The following SPAG17 variants were observed in gnomAD, a reference collection of about 807,000 sequenced individuals.
SPAG17 encodes sperm associated antigen 17, also known as sperm-associated antigen 17.
SPAG17 carries 169 observed loss-of-function variants against 273.6 expected under a neutral mutation model. The ratio of observed to expected loss-of-function variants is 0.62; its 90% CI spans 0.55 to 0.70. SPAG17 has a LOEUF of 0.70. Among genes scored for constraint, SPAG17 ranks in the 30% least tolerant of loss-of-function variants. The probability of loss-of-function intolerance (pLI) is 0.00; values close to 1 mark genes in which losing one functional copy is unlikely to be tolerated. For missense variants in SPAG17, 2,557 were observed against 2,627.8 expected (o/e 0.97, Z 0.59); for synonymous variants, 825 against 873.2 (o/e 0.94, Z 0.97).
Position 118,031,731 on chromosome 1 carries a change from G to T in SPAG17, c.3570C>A (p.Ser1190=). 1 of 1,613,678 alleles carries T rather than the reference G, an allele frequency of 6.2e-7. No individual in the cohort carries two copies. Among genetic ancestry groups the T allele is most frequent in the Non-Finnish European group, 8.5e-7 (1 of 1,179,814 alleles). The change falls in exon 25 of 49, where the codon TCC becomes TCA. Residue 1190 remains serine (S), a synonymous_variant. Transcript: ENST00000336338. ...KIKGKEKPKE[S]LKEEEHPKEE... ...CTTTTGGGTGTTCTTCTTCTTTAAGGGATTCTTTGGGTTTTTCTTTGCCTT... is the reference window on the plus strand; with the variant it reads ...CTTTTGGGTGTTCTTCTTCTTTAAGTGATTCTTTGGGTTTTTCTTTGCCTT...
Position 118,004,741 on chromosome 1 carries a change from G to C in SPAG17, c.4776+673C>G, listed in dbSNP as rs546653376. On this transcript the variant is annotated intron_variant, in intron 32 of 48. Coordinates refer to ENST00000336338, the MANE Select transcript of SPAG17 (RefSeq NM_206996.4). The stretch of plus-strand genomic sequence containing the variant: ...GTCATGGTTTCCCTTGGCTAGGAAA[G>C]GGAAATCCCCTGACACCTTGCACTT... Among the ~76,000 whole-genome samples the C allele has an allele frequency of 3.3e-5, 5 of 152,332 alleles. No homozygotes were observed. The East Asian group carries it at 7.7e-4, about 24-fold the overall frequency.
chr1:118,098,418 A>C (rs988244420), intron 6 of SPAG17, among the ~76,000 whole-genome samples: 1 of 152,116 alleles, frequency 6.6e-6, no homozygotes, highest in Non-Finnish European at 1.5e-5. Flanking sequence ...TGCCCGAAAT[A>C]TTTATGCTTA....
intron 38 of SPAG17, among the ~76,000 whole-genome samples, chr1:117,990,018 C>G (rs1458094196): frequency 6.6e-6 from 1 of 152,102 alleles, no homozygotes; most frequent in Admixed American, 6.6e-5. Flanking sequence ...TCTGGCCACC[C>G]TACTACAGGA....
intron 48 of SPAG17, 50 bp downstream of exon 48, chr1:117,963,749 C>G (rs375910506): frequency 5.6e-5 from 87 of 1,556,140 alleles, no homozygotes; most frequent in Non-Finnish European, 7.4e-5. Flanking sequence ...GGTCTAATAC[C>G]TCAAATTTGA....
At chr1:118,075,852 C>G (rs1481920305) in intron 15 of SPAG17, among the ~76,000 whole-genome samples, 1 of 152,100 alleles carries the variant, frequency 6.6e-6, no homozygotes, top group African/African-American at 2.4e-5. Context: ...TTTTTCAGAC[C>G]CTGACTTCAT....
intron 3 of SPAG17, among the ~76,000 whole-genome samples, chr1:118,135,688 T>C (rs1410827024): frequency 6.6e-6 from 1 of 152,304 alleles, no homozygotes; most frequent in East Asian, 1.9e-4. Context: ...GGGAATGCTA[T>C]GAGTAAACTT....
At chr1:117,966,912 G>T (rs757283915) in intron 46 of SPAG17, among the ~76,000 whole-genome samples, 159 bp from the exon 47 acceptor site, 1 of 152,176 alleles carries the variant, frequency 6.6e-6, no homozygotes, top group African/African-American at 2.4e-5. Context: ...GCATTTAGCG[G>T]AATTACTTCA....
At chr1:118,009,115 C>G (rs756060007) in intron 30 of SPAG17, among the ~76,000 whole-genome samples, 3 of 151,850 alleles carry the variant, frequency 2.0e-5, no homozygotes, top group Admixed American at 1.3e-4. Context: ...TAGGTCAAAG[C>G]ATATAAAGTT....
Position 118,012,361 on chromosome 1 carries a change from A to G in SPAG17, c.4299T>C (p.Thr1433=), listed in dbSNP as rs760621264. ...CAACTATGACAACTTTGTCTTCTCGAGTTGTCATAACCTGAACATGAAGAG... is the reference window on the plus strand; with the variant it reads ...CAACTATGACAACTTTGTCTTCTCGGGTTGTCATAACCTGAACATGAAGAG... The part of the protein sequence containing the change: ...TDPVNGTVMT[T]REDKVVIVER... Residue 1433 remains threonine (T), a synonymous_variant, in exon 30 of 49, where the codon ACT becomes ACC. Transcript: ENST00000336338. 6 of 1,613,188 alleles carry G rather than the reference A, an allele frequency of 3.7e-6. No individual in the cohort carries two copies. Among genetic ancestry groups the G allele is most frequent in the Non-Finnish European group, 5.1e-6 (6 of 1,179,570 alleles).
intron 32 of SPAG17, among the ~76,000 whole-genome samples, chr1:118,000,747 T>C (rs2101706596): frequency 1.3e-5 from 2 of 152,336 alleles, no homozygotes; most frequent in South Asian, 2.1e-4. Flanking sequence ...TTTCTAAATA[T>C]ACAATCATGT....
intron 3 of SPAG17, among the ~76,000 whole-genome samples, chr1:118,143,860 C>T (rs1570770132): frequency 6.6e-6 from 1 of 152,240 alleles, no homozygotes; most frequent in African/African-American, 2.4e-5. Flanking sequence ...TTGTGGCTGG[C>T]CCTCCACTGA....
intron 20 of SPAG17, among the ~76,000 whole-genome samples, chr1:118,052,577 G>T (rs1045382324): frequency 2.0e-5 from 3 of 151,942 alleles, no homozygotes. Flanking sequence ...TAATAACTAC[G>T]TGAGGTAATG....
intron 4 of SPAG17, among the ~76,000 whole-genome samples, chr1:118,111,577 CA>C (rs1490305621): frequency 9.9e-5 from 15 of 151,694 alleles, no homozygotes; most frequent in African/African-American, 3.6e-4. Context: ...CACACACACA[CA>C]CACACACACA....
intron 32 of SPAG17, among the ~76,000 whole-genome samples, chr1:118,004,390 T>G (rs1189135038): frequency 6.6e-6 from 1 of 152,256 alleles, no homozygotes; most frequent in East Asian, 1.9e-4. Context: ...AGTTGTCTGC[T>G]GCCTTTCGTT....
rs1448128560 is a variant in SPAG17, at chr1:118,086,975, T to C, written c.1393A>G (p.Ser465Gly). ...GCTCTGGGGGATGGCTCCCGCAGAC[T>C]GGGTGGGACGAGATCTTCTTCAGTT... ...VATEEDLVPPSLREPSPRADG... is the reference protein window; with the variant it reads ...VATEEDLVPPGLREPSPRADG... The change falls in exon 11 of 49, where the codon AGT becomes GGT. Residue 465 changes from serine (S) to glycine (G), a missense_variant. Physicochemically the swap from Ser to Gly is moderately conservative, Grantham distance 56 (BLOSUM62 0). Transcript: ENST00000336338. The C allele has an allele frequency of 8.9e-6, 14 of 1,578,508 alleles. No homozygotes were observed. Among genetic ancestry groups the C allele is most frequent in the African/African-American group, 1.4e-5 (1 of 72,572 alleles).
intron 7 of SPAG17, among the ~76,000 whole-genome samples, chr1:118,097,164 G>T (rs1157936946): frequency 1.3e-5 from 2 of 151,780 alleles, no homozygotes; most frequent in African/African-American, 2.4e-5. Context: ...GAACTCAGGA[G>T]GCGGAGGTTG....
At chr1:118,032,211 G>A (rs1318392505) in intron 24 of SPAG17, among the ~76,000 whole-genome samples, 1 of 152,084 alleles carries the variant, frequency 6.6e-6, no homozygotes, top group Non-Finnish European at 1.5e-5. Context: ...TGTATAAAAT[G>A]TTTAGAGCAG....
At chr1:117,992,859 A>G (rs1220720312) in intron 35 of SPAG17, among the ~76,000 whole-genome samples, 1 of 152,202 alleles carries the variant, frequency 6.6e-6, no homozygotes, top group Non-Finnish European at 1.5e-5. Context: ...TTATGTTACT[A>G]AGATACTGGA....
intron 34 of SPAG17, 110 bp from the exon 35 acceptor site, chr1:117,994,640 A>C (rs1484997096): frequency 8.8e-7 from 1 of 1,136,196 alleles, no homozygotes. Context: ...CTTAGACATG[A>C]AAGACTAATG....
Sources: allele counts gnomAD v4.1 joint callset (sites outside exome capture counted in the v4.1 genomes callset), GRCh38; gene constraint gnomAD v4.1.1; transcripts MANE v1.5; gene names NCBI Gene and HGNC (gene_info 2026-07-23, HGNC 2026-07-21).